The following DPP10 variants were observed in gnomAD, a reference collection of about 807,000 sequenced individuals.
DPP10 encodes the protein dipeptidyl peptidase like 10, also known as inactive dipeptidyl peptidase 10.
Under a neutral mutation model 120.9 loss-of-function variants are expected in DPP10, and 33 were observed. The observed-to-expected ratio is 0.27, with a 90% confidence interval of 0.21 to 0.37. DPP10 has a LOEUF of 0.37. Among genes scored for constraint, DPP10 ranks in the 10% least tolerant of loss-of-function variants. The pLI is 1.00. For synonymous variants in DPP10, 337 were observed against 326.1 expected (o/e 1.03, Z -0.36); for missense variants, 816 against 942.8 (o/e 0.87, Z 1.76).
At chr2:115,587,323 C>T (rs957485987) in intron 5 of DPP10, among the ~76,000 whole-genome samples, 3 of 152,098 alleles carry the variant, frequency 2.0e-5, no homozygotes, top group African/African-American at 2.4e-5. Flanking sequence ...TGGTCTCGAT[C>T]TCCTGACCTC....
intron 3 of DPP10, among the ~76,000 whole-genome samples, chr2:115,347,933 C>T (rs1425660035): frequency 6.6e-6 from 1 of 152,108 alleles, no homozygotes; most frequent in African/African-American, 2.4e-5. Context: ...AGTAGTGCTG[C>T]AATAAATATA....
chr2:115,035,465 A>C (rs1704164034), intron 1 of DPP10, among the ~76,000 whole-genome samples: 1 of 152,198 alleles, frequency 6.6e-6, no homozygotes, highest in South Asian at 2.1e-4. Context: ...ATCTTGAAGG[A>C]GGAGCTTCAG....
At position 115,281,597 on chromosome 2, in the gene DPP10, G is replaced by A. The variant is rs546419357; in HGVS notation, c.61-27642G>A. Among the ~76,000 whole-genome samples, 19 of 152,202 alleles carry A rather than the reference G, an allele frequency of 1.2e-4. No homozygotes were observed. In the South Asian group the frequency reaches 3.5e-3, roughly 28 times the overall value. ...ATAACTTCTCATTTTTGAAAAATTC[G>A]TAACTTCTCACAACTTTTGTTGTTC... On this transcript the variant is annotated intron_variant, in intron 1 of 25. Transcript: ENST00000410059.
rs1435060648 is a variant in DPP10 at position 115,045,007 on chromosome 2, T to A, written c.61-264232T>A. On this transcript the variant is annotated intron_variant, in intron 1 of 25. Coordinates refer to ENST00000410059, the MANE Select transcript of DPP10 (RefSeq NM_020868.6). ...TGTGTACTGTACCAGATTTTCTTTATCCATTCATCTGTTGATGGATACTTT... is the reference window on the plus strand; with the variant it reads ...TGTGTACTGTACCAGATTTTCTTTAACCATTCATCTGTTGATGGATACTTT... Among the ~76,000 whole-genome samples the A allele has an allele frequency of 5.3e-5, 8 of 152,204 alleles. No individual in the cohort carries two copies. In the South Asian group the frequency reaches 1.7e-3, roughly 32 times the overall value.
chr2:115,098,396 T>C (rs1394978872), intron 1 of DPP10, among the ~76,000 whole-genome samples: 2 of 152,158 alleles, frequency 1.3e-5, no homozygotes, highest in African/African-American at 4.8e-5. Context: ...CCTTATATGA[T>C]TTCATCATTG....
intron 1 of DPP10, among the ~76,000 whole-genome samples, chr2:114,446,843 A>C (rs1354824123): frequency 6.6e-6 from 1 of 152,162 alleles, no homozygotes. Flanking sequence ...AGGCATAGGA[A>C]ACAGAAGACA....
At chr2:115,814,601 GTTTTACAAAGGAAAATACAA>G (rs1317015330) in intron 19 of DPP10, 172 bp from the exon 20 acceptor site, 12 of 410,560 alleles carry the variant, frequency 2.9e-5, no homozygotes, top group Non-Finnish European at 5.0e-5. Context: ...TTCAATTACA[GTTTTACAAAGGAAAATACAA>G]TTTTACGAAG....
chr2:115,736,923 G>A (rs976132772), intron 8 of DPP10, among the ~76,000 whole-genome samples: 4 of 152,252 alleles, frequency 2.6e-5, no homozygotes, highest in Admixed American at 6.5e-5. Context: ...TCCCTGATAG[G>A]TGGACCCTTA....
chr2:114,682,737 A>G (rs2105718750), intron 1 of DPP10, among the ~76,000 whole-genome samples: 1 of 151,432 alleles, frequency 6.6e-6, no homozygotes, highest in Non-Finnish European at 1.5e-5. Flanking sequence ...CTCCCAGGTA[A>G]GATTTTATAT....
intron 3 of DPP10, among the ~76,000 whole-genome samples, chr2:115,410,666 G>T (rs1270106799): frequency 1.3e-5 from 2 of 152,186 alleles, no homozygotes; most frequent in African/African-American, 4.8e-5. Flanking sequence ...CTGAGGACTG[G>T]AGAAGTGTGG....
chr2:115,568,454 G>C (rs1159407678), intron 5 of DPP10, among the ~76,000 whole-genome samples: 1 of 152,076 alleles, frequency 6.6e-6, no homozygotes, highest in Non-Finnish European at 1.5e-5. Flanking sequence ...CTGCACTCCA[G>C]CCTGGCGACA....
chr2:114,582,994 G>A (rs980238125), intron 1 of DPP10, among the ~76,000 whole-genome samples: 6 of 152,154 alleles, frequency 3.9e-5, no homozygotes, highest in Non-Finnish European at 7.4e-5. Context: ...CTGATTTGTT[G>A]GGGCCTGGGA....
chr2:114,599,340 T>C (rs576044004), intron 1 of DPP10, among the ~76,000 whole-genome samples: 28 of 152,004 alleles, frequency 1.8e-4, no homozygotes, highest in African/African-American at 6.5e-4. Flanking sequence ...GGCTATATTC[T>C]ATTTCTATTA....
At chr2:115,625,846 C>A (rs2085315446) in intron 5 of DPP10, among the ~76,000 whole-genome samples, 2 of 151,858 alleles carry the variant, frequency 1.3e-5, no homozygotes, top group Admixed American at 6.6e-5. Flanking sequence ...AGAAAGTTTT[C>A]TCTGAACTGA....
chr2:115,755,931 AGTGT>A (rs34664946), intron 11 of DPP10, among the ~76,000 whole-genome samples: 1 of 118,428 alleles, frequency 8.4e-6, no homozygotes, highest in Non-Finnish European at 2.0e-5. Flanking sequence ...TTTTTTAAAA[AGTGT>A]GTGTGTGTGT....
chr2:114,479,490 G>A (rs1056484368), intron 1 of DPP10, among the ~76,000 whole-genome samples: 6 of 151,938 alleles, frequency 3.9e-5, no homozygotes, highest in Non-Finnish European at 5.9e-5. Context: ...AGAAAAGATA[G>A]CCTTTTCAAC....
intron 1 of DPP10, among the ~76,000 whole-genome samples, chr2:114,616,309 AAT>A (rs1693671532): frequency 6.6e-6 from 1 of 152,106 alleles, no homozygotes; most frequent in Non-Finnish European, 1.5e-5. Context: ...TACCCAGTGG[AAT>A]ACGTTGGGCC....
intron 1 of DPP10, among the ~76,000 whole-genome samples, chr2:114,763,849 C>T (rs1042061529): frequency 6.6e-6 from 1 of 152,134 alleles, no homozygotes; most frequent in East Asian, 1.9e-4. Flanking sequence ...AAACTCTTTC[C>T]TCCATCCTCT....
chr2:115,796,729 C>A (rs1188387207), intron 19 of DPP10, among the ~76,000 whole-genome samples: 1 of 151,908 alleles, frequency 6.6e-6, no homozygotes, highest in Non-Finnish European at 1.5e-5. Context: ...TATTAGCTAC[C>A]ATTTATTGTT....
Sources: allele counts gnomAD v4.1 joint callset (sites outside exome capture counted in the v4.1 genomes callset), GRCh38; gene constraint gnomAD v4.1.1; transcripts MANE v1.5; gene names NCBI Gene and HGNC (gene_info 2026-07-23, HGNC 2026-07-21).